Variants in DNAH12 observed in about 807,000 individuals in gnomAD.
DNAH12 encodes the protein dynein axonemal heavy chain 12.
In DNAH12, 285 loss-of-function variants were observed where a neutral mutation model predicts 371.5. The ratio of observed to expected loss-of-function variants is 0.77; its 90% confidence interval spans 0.70 to 0.85. The LOEUF is 0.85. Ranked by LOEUF, DNAH12 falls within the 40% of genes least tolerant of loss-of-function variation. The probability of loss-of-function intolerance (pLI) is 0.00; values close to 1 mark genes in which losing one functional copy is unlikely to be tolerated. For missense variants in DNAH12, 3,611 were observed against 3,689.4 expected (o/e 0.98, Z 0.55); for synonymous variants, 1,200 against 1,213.0 (o/e 0.99, Z 0.22).
intron 56 of DNAH12, among the ~76,000 whole-genome samples, chr3:57,367,624 C>T (rs1476079167): frequency 6.6e-6 from 1 of 152,104 alleles, no homozygotes; most frequent in Non-Finnish European, 1.5e-5. Context: ...AACTCAGGCC[C>T]ACATTCACCA....
At chr3:57,436,719 G>A (rs1457946400) in intron 30 of DNAH12, among the ~76,000 whole-genome samples, 1 of 152,174 alleles carries the variant, frequency 6.6e-6, no homozygotes, top group East Asian at 1.9e-4. Flanking sequence ...TTATGCAAAT[G>A]GTGGTATTTA....
Position 57,408,473 on chromosome 3 carries a change from C to T in DNAH12, c.6083G>A (p.Gly2028Asp), listed in dbSNP as rs1422053480. The T allele has an allele frequency of 1.3e-6, 2 of 1,551,426 alleles. No homozygotes were observed. The highest frequency in any genetic ancestry group is 2.4e-5 in the South Asian group (2 of 84,004). ...TGGATTTCTTCCACCACCTGGAGGG[C>T]CCATTGCAGCAATCAGCTCTATGTC... is the stretch of plus-strand genomic sequence containing the variant. ...LVDIELIAAM[G>D]PPGGGRNPVT... The change falls in exon 40 of 74, where the codon GGC (glycine) becomes GAC (aspartate). Residue 2028 changes from glycine to aspartate, a missense_variant. By Grantham distance (94) the Gly-to-Asp change is moderately conservative. Around this residue, in one of 3 missense-constraint regions of DNAH12, gnomAD observed 2,266 missense variants for 2,236.9 expected, o/e 1.01. Transcript: ENST00000495027.
rs1355646710 is a variant in DNAH12, at chr3:57,368,158, C to T, written c.8862G>A (p.Met2954Ile). ...ACTGAATACAGTTTTCCAATGTTCT[C>T]ATATAGTCTGAATCTGATAGCTTAA... ...SVIKLSDSDY[M>I]RTLENCIQFG... Residue 2954 changes from methionine to isoleucine, a missense_variant, in exon 56 of 74, where the codon ATG (methionine) becomes ATA (isoleucine). By Grantham distance (10) the Met-to-Ile change is conservative (BLOSUM62 1). Around this residue, in one of 3 missense-constraint regions of DNAH12, gnomAD observed 2,266 missense variants for 2,236.9 expected, o/e 1.01. Coordinates refer to ENST00000495027, the MANE Select transcript of DNAH12 (RefSeq NM_001366028.2). The T allele has an allele frequency of 6.6e-6, 1 of 152,176 alleles. No individual in the cohort carries two copies. Among genetic ancestry groups the T allele is most frequent in the African/African-American group, 2.4e-5 (1 of 41,448 alleles). The allele number at this position is 152,176 out of a possible 1,614,324, so 9.4% of individuals were successfully genotyped here.
chr3:57,514,111 C>T (rs968599557), intron 4 of DNAH12, among the ~76,000 whole-genome samples: 2 of 151,888 alleles, frequency 1.3e-5, no homozygotes, highest in Non-Finnish European at 2.9e-5. Flanking sequence ...AAACAAAATG[C>T]GGCCGGGTGC....
intron 39 of DNAH12, among the ~76,000 whole-genome samples, chr3:57,412,236 TAAACAAC>T (rs2064230711): frequency 6.6e-6 from 1 of 152,146 alleles, no homozygotes; most frequent in Non-Finnish European, 1.5e-5. Context: ...CAAATATCGT[TAAACAAC>T]TGGACATACA....
intron 60 of DNAH12, among the ~76,000 whole-genome samples, chr3:57,349,036 C>T (rs772576555): frequency 5.3e-5 from 8 of 152,110 alleles, no homozygotes; most frequent in Non-Finnish European, 8.8e-5. Flanking sequence ...GCAGAGTTAA[C>T]AGACAATCCA....
rs2153363221 is a variant in DNAH12, at chr3:57,425,018, C to T, written c.5373+4G>A. 1 of 699,790 alleles carries T rather than the reference C, an allele frequency of 1.4e-6. No individual in the cohort carries two copies. Among genetic ancestry groups the T allele is most frequent in the South Asian group, 1.5e-5 (1 of 66,968 alleles). 43.3% of individuals were successfully genotyped at this position (699,790 alleles called of 1,614,324 possible). On this transcript the variant is annotated splice_donor_region_variant and intron_variant, in intron 35 of 73. Coordinates refer to ENST00000495027, the MANE Select transcript of DNAH12 (RefSeq NM_001366028.2). ...TTAAAAACTACATGAAGTATAAAAC[C>T]AACCATAATCCAAACACGAATGTGC...
chr3:57,477,574 T>C (rs1412768716), intron 13 of DNAH12, among the ~76,000 whole-genome samples: 9 of 152,180 alleles, frequency 5.9e-5, no homozygotes, highest in Middle Eastern at 3.4e-3. Flanking sequence ...TTGAAGAGAA[T>C]AGTGGTTCTC....
rs1281259000 is a variant in DNAH12, at chr3:57,394,249, T to C, written c.7032A>G (p.Leu2344=). ...TDTQIKEEAF[L]EDIDSVLNTG... ...TATTGAGCACACTGTCGATATCCTC[T>C]AGGAAAGCTTCCTCTTTAATCTGAG... Residue 2344 remains leucine (L), a synonymous_variant, in exon 44 of 74, where the codon CTA becomes CTG. Coordinates refer to ENST00000495027, the MANE Select transcript of DNAH12 (RefSeq NM_001366028.2). The C allele has an allele frequency of 6.6e-6, 1 of 152,224 alleles. No individual in the cohort carries two copies. The highest frequency in any genetic ancestry group is 2.4e-5 in the African/African-American group (1 of 41,446). The allele number at this position is 152,224 out of a possible 1,614,324, so 9.4% of individuals were successfully genotyped here.
At chr3:57,495,449 T>G (rs1056233920) in intron 11 of DNAH12, among the ~76,000 whole-genome samples, 9 of 150,926 alleles carry the variant, frequency 6.0e-5, no homozygotes, top group African/African-American at 2.2e-4. Flanking sequence ...TAATCCCAGC[T>G]ACTAGGGAGG....
chr3:57,504,107 A>C lies in DNAH12; in HGVS notation c.995T>G (p.Phe332Cys), dbSNP rs539283327. ...RLPIFKIELT[F>C]DDDKMEFYPT... ...ATAAAATTCCATTTTGTCGTCATCA[A>C]ATGTCAATTCTATCTTAAATATTGG... The change falls in exon 9 of 74, where the codon TTT becomes TGT. Residue 332 changes from phenylalanine to cysteine, a missense_variant. Transcript: ENST00000495027. The C allele has an allele frequency of 3.7e-6, 6 of 1,613,974 alleles. No individual in the cohort carries two copies. The South Asian group carries it at 6.6e-5, about 18-fold the overall frequency.
At chr3:57,312,702 T>G (rs1234873389) in intron 66 of DNAH12, among the ~76,000 whole-genome samples, 1 of 152,204 alleles carries the variant, frequency 6.6e-6, no homozygotes, top group Non-Finnish European at 1.5e-5. Flanking sequence ...TGGCAAAATG[T>G]TCTCCAAGCT....
chr3:57,475,398 T>C (rs1171434562), intron 13 of DNAH12, among the ~76,000 whole-genome samples: 1 of 152,172 alleles, frequency 6.6e-6, no homozygotes, highest in African/African-American at 2.4e-5. Context: ...AATAAAAGAC[T>C]GCTCCATTTA....
In DNAH12 at chr3:57,484,778, G is replaced by A. The variant is rs574014517; in HGVS notation, c.1515-1267C>T. On this transcript the variant is annotated intron_variant, in intron 12 of 73. Transcript: ENST00000495027. ...AGCCACAGAGTGGGAGAAAATATTT[G>A]CAAACTCTGCCTCCAACAAAAGACT... Among the ~76,000 whole-genome samples, 7 of 152,210 alleles carry A rather than the reference G, an allele frequency of 4.6e-5. No individual in the cohort carries two copies. The East Asian group carries it at 1.4e-3, about 29-fold the overall frequency.
intron 22 of DNAH12, among the ~76,000 whole-genome samples, 165 bp downstream of exon 22, chr3:57,457,556 A>T (rs1421527006): frequency 2.0e-5 from 3 of 152,212 alleles, no homozygotes; most frequent in Non-Finnish European, 4.4e-5. Flanking sequence ...ACTATTATCA[A>T]TTCATAGCAA....
chr3:57,378,354 C>T (rs1278028586), intron 52 of DNAH12, among the ~76,000 whole-genome samples: 10 of 151,992 alleles, frequency 6.6e-5, no homozygotes, highest in African/African-American at 2.4e-4. Context: ...AATGGAAAGA[C>T]ATCCTAGATA....
chr3:57,514,263 G>C (rs1225177980), intron 4 of DNAH12, among the ~76,000 whole-genome samples: 2 of 151,716 alleles, frequency 1.3e-5, no homozygotes, highest in South Asian at 2.1e-4. Context: ...ACATGGTGGG[G>C]GGAACCTGTA....
Position 57,437,071 on chromosome 3 carries a change from A to G in DNAH12, c.4546-11T>C, listed in dbSNP as rs999344569. On this transcript the variant is annotated splice_polypyrimidine_tract_variant and intron_variant, in intron 29 of 73. Transcript: ENST00000495027. ...ACATTCCAAAAATTCCTGAAATAAA[A>G]AAAAGTAATGCATTTCTACAACACA... 1 of 1,487,396 alleles carries G rather than the reference A, an allele frequency of 6.7e-7. No homozygotes were observed. Among genetic ancestry groups the G allele is most frequent in the African/African-American group, 1.4e-5 (1 of 70,332 alleles). The allele number at this position is 1,487,396 out of a possible 1,614,324, so 92.1% of individuals were successfully genotyped here.
chr3:57,440,194 A>G (rs1414674306), intron 29 of DNAH12, among the ~76,000 whole-genome samples: 1 of 152,224 alleles, frequency 6.6e-6, no homozygotes, highest in Non-Finnish European at 1.5e-5. Flanking sequence ...CCAAAAGAAA[A>G]TAAATTGTTC....
Sources: allele counts gnomAD v4.1 joint callset (sites outside exome capture counted in the v4.1 genomes callset), GRCh38; gene constraint gnomAD v4.1.1; regional missense constraint gnomAD v4.1.1; transcripts MANE v1.5; gene names NCBI Gene and HGNC (gene_info 2026-07-23, HGNC 2026-07-21).